SGCZ: variants seen among roughly 807,000 people sequenced by gnomAD.
The protein encoded by SGCZ is zeta-sarcoglycan.
SGCZ carries 40 observed loss-of-function variants against 41.3 expected under a neutral mutation model. That is an observed-to-expected ratio of 0.97 (90% CI 0.75 to 1.26). The LOEUF is 1.26. Ranked by LOEUF, SGCZ falls within the 50% of genes most tolerant of loss-of-function variation. SGCZ has a pLI of 0.00. For synonymous variants in SGCZ, 206 were observed against 137.5 expected (o/e 1.50, Z -3.49); for missense variants, 552 against 369.8 (o/e 1.49, Z -4.04).
At chr8:14,183,919 G>C (rs1293127472) in intron 4 of SGCZ, among the ~76,000 whole-genome samples, 1 of 152,012 alleles carries the variant, frequency 6.6e-6, no homozygotes, top group African/African-American at 2.4e-5. Context: ...GACTCTCTAT[G>C]TAAAAAAATT....
chr8:14,223,917 T>C (rs1806287759), intron 4 of SGCZ, among the ~76,000 whole-genome samples: 1 of 152,198 alleles, frequency 6.6e-6, no homozygotes, highest in African/African-American at 2.4e-5. Context: ...GAAAAGAGTT[T>C]CACTTATCCC....
intron 1 of SGCZ, among the ~76,000 whole-genome samples, chr8:14,930,968 C>G (rs191646975): frequency 1.1e-3 from 169 of 152,112 alleles, no homozygotes; most frequent in Non-Finnish European, 1.9e-3. Flanking sequence ...ACCTATGTAA[C>G]AAACCGGTAC....
intron 3 of SGCZ, among the ~76,000 whole-genome samples, chr8:14,296,049 G>A (rs1376494821): frequency 6.6e-6 from 1 of 152,128 alleles, no homozygotes; most frequent in Non-Finnish European, 1.5e-5. Flanking sequence ...ACACTCCACT[G>A]AATACCCAGA....
chr8:14,637,232 G>A (rs1309181733), intron 1 of SGCZ, among the ~76,000 whole-genome samples: 1 of 151,658 alleles, frequency 6.6e-6, no homozygotes, highest in Non-Finnish European at 1.5e-5. Context: ...TCTAGACCCT[G>A]TCAACCAAAC....
intron 1 of SGCZ, among the ~76,000 whole-genome samples, chr8:15,000,210 C>A (rs1483200488): frequency 6.6e-6 from 1 of 152,084 alleles, no homozygotes; most frequent in Non-Finnish European, 1.5e-5. Flanking sequence ...ACCAACCCTG[C>A]CCAGCACCTT....
At chr8:14,824,892 G>A (rs1802243977) in intron 1 of SGCZ, among the ~76,000 whole-genome samples, 1 of 152,004 alleles carries the variant, frequency 6.6e-6, no homozygotes, top group Non-Finnish European at 1.5e-5. Flanking sequence ...TGATTTATAT[G>A]CTTATGGATA....
intron 1 of SGCZ, among the ~76,000 whole-genome samples, chr8:14,851,439 T>A (rs1803322228): frequency 6.8e-6 from 1 of 146,148 alleles, no homozygotes; most frequent in South Asian, 2.2e-4. Context: ...TATGATCACA[T>A]CTATCTGGAA....
chr8:15,157,536 C>CAATTCAT lies in SGCZ; in HGVS notation c.39+80042_39+80048dup, dbSNP rs544280578. ...TGGAGTTCATACAAATTCACGGATT[C>CAATTCAT]AATTCATGCTTTATGCCTTCATCAC... On this transcript the variant is annotated intron_variant, in intron 1 of 7. Coordinates refer to ENST00000382080, the MANE Select transcript of SGCZ (RefSeq NM_139167.4). 3.3e-5 allele frequency among the ~76,000 whole-genome samples: 5 copies of CAATTCAT among 152,262 alleles called. No homozygotes were observed. The South Asian group carries it at 6.2e-4, about 19-fold the overall frequency.
intron 1 of SGCZ, among the ~76,000 whole-genome samples, chr8:14,589,831 A>T (rs1805183981): frequency 6.6e-6 from 1 of 152,162 alleles, no homozygotes. Context: ...TGTATGTGGA[A>T]ATTAAGGCCA....
At chr8:14,206,540 G>A (rs11996588) in intron 4 of SGCZ, among the ~76,000 whole-genome samples, 112,395 of 152,118 alleles carry the variant, frequency 0.74, 42,297 homozygotes, top group African/African-American at 0.86. Context: ...CTGCTTTGCT[G>A]CTTTATTAGA....
chr8:15,211,454 A>G (rs1488263006), intron 1 of SGCZ, among the ~76,000 whole-genome samples: 2 of 151,950 alleles, frequency 1.3e-5, no homozygotes, highest in Non-Finnish European at 2.9e-5. Flanking sequence ...ACCTCCTACT[A>G]TCCTTCATTA....
intron 1 of SGCZ, among the ~76,000 whole-genome samples, chr8:14,564,603 T>C (rs1804303757): frequency 6.6e-6 from 1 of 152,214 alleles, no homozygotes; most frequent in African/African-American, 2.4e-5. Flanking sequence ...ATTTTTAAAA[T>C]GTATCGTCTA....
chr8:14,815,370 G>T (rs1801871837), intron 1 of SGCZ, among the ~76,000 whole-genome samples: 2 of 141,760 alleles, frequency 1.4e-5, no homozygotes, highest in Admixed American at 1.5e-4. Flanking sequence ...AGTTTTTCAA[G>T]CAACTTGTAT....
At chr8:14,394,500 C>T (rs558209307) in intron 2 of SGCZ, among the ~76,000 whole-genome samples, 1 of 152,230 alleles carries the variant, frequency 6.6e-6, no homozygotes, top group East Asian at 1.9e-4. Flanking sequence ...CTAAGAAACA[C>T]TTTTTAATGA....
At chr8:15,167,680 TA>T (rs60495317) in intron 1 of SGCZ, among the ~76,000 whole-genome samples, 2 of 151,406 alleles carry the variant, frequency 1.3e-5, no homozygotes, top group African/African-American at 4.9e-5. Flanking sequence ...TTGGGATGTT[TA>T]AAAAAAAATA....
intron 1 of SGCZ, among the ~76,000 whole-genome samples, chr8:15,028,927 A>C (rs1382637817): frequency 4.6e-5 from 7 of 152,086 alleles, no homozygotes; most frequent in Admixed American, 4.6e-4. Flanking sequence ...AAACATATTC[A>C]TAATCAAGTT....
chr8:14,287,137 T>A (rs1800668039), intron 3 of SGCZ, among the ~76,000 whole-genome samples: 1 of 68,750 alleles, frequency 1.5e-5, no homozygotes, highest in Admixed American at 1.6e-4. Flanking sequence ...GCACATACAG[T>A]ATTTTTTAAA....
At chr8:14,578,240 G>A (rs1423438017) in intron 1 of SGCZ, among the ~76,000 whole-genome samples, 1 of 152,210 alleles carries the variant, frequency 6.6e-6, no homozygotes, top group South Asian at 2.1e-4. Flanking sequence ...TCAACCAGGT[G>A]TGACATTTCA....
chr8:15,223,404 C>T (rs1023118928), intron 1 of SGCZ, among the ~76,000 whole-genome samples: 4 of 152,276 alleles, frequency 2.6e-5, no homozygotes, highest in South Asian at 2.1e-4. Context: ...CACACAAAGA[C>T]GACTCCTTGT....
Sources: allele counts gnomAD v4.1 joint callset (sites outside exome capture counted in the v4.1 genomes callset), GRCh38; gene constraint gnomAD v4.1.1; transcripts MANE v1.5; gene names NCBI Gene and HGNC (gene_info 2026-07-23, HGNC 2026-07-21).